The following CFHR2 variants were observed in gnomAD, a reference collection of about 807,000 sequenced individuals.
CFHR2 encodes the protein complement factor H related 2, also known as complement factor H-related protein 2.
CFHR2 carries 22 observed loss-of-function variants against 21.7 expected under a neutral mutation model. The ratio of observed to expected loss-of-function variants is 1.01; its 90% CI spans 0.72 to 1.45. The LOEUF is 1.45. Among genes scored for constraint, CFHR2 ranks in the 40% most tolerant of loss-of-function variants. The pLI, the probability that CFHR2 is intolerant of heterozygous loss-of-function variation, is 0.00. For missense variants in CFHR2, 294 were observed against 293.3 expected, an observed-to-expected ratio of 1.00 and a Z score of -0.02; for synonymous variants, 98 against 97.4, an observed-to-expected ratio of 1.01 and a Z score of -0.04.
At chr1:196,946,814 T>C (rs1468872881) in intron 1 of CFHR2, among the ~76,000 whole-genome samples, 1 of 152,240 alleles carries the variant, frequency 6.6e-6, no homozygotes, top group South Asian at 2.1e-4. Context: ...AAGTTAACTA[T>C]AAAATACTGA....
At chr1:196,949,693 C>T (rs1356061446) in intron 2 of CFHR2, 44 bp downstream of exon 2, 1 of 1,606,602 alleles carries the variant, frequency 6.2e-7, no homozygotes, top group Non-Finnish European at 8.5e-7. Flanking sequence ...ATTCAATGAA[C>T]AGAGAAGGAT....
intron 2 of CFHR2, 112 bp downstream of exon 2, chr1:196,949,761 G>C (rs1308231805): frequency 1.9e-5 from 26 of 1,341,016 alleles, no homozygotes; most frequent in Non-Finnish European, 2.7e-5. Context: ...AGAGGAGCTG[G>C]AAAGATGGGA....
In CFHR2 at chr1:196,952,862, G is replaced by A. The variant is rs569376001; in HGVS notation, c.430+1834G>A. 2.0e-5 allele frequency among the ~76,000 whole-genome samples: 3 copies of A among 152,252 alleles called. No individual in the cohort carries two copies. The South Asian group carries it at 6.2e-4, about 32-fold the overall frequency. ...AAGCTGACAAAGAACACATCTTTTT[G>A]TTCAAGTTCTCACAATATTGCTACC... On this transcript the variant is annotated intron_variant, in intron 3 of 4. Coordinates refer to ENST00000367415, the MANE Select transcript of CFHR2 (RefSeq NM_005666.4).
At chr1:196,947,504 A>G (rs1659553182) in intron 1 of CFHR2, among the ~76,000 whole-genome samples, 1 of 152,172 alleles carries the variant, frequency 6.6e-6, no homozygotes, top group South Asian at 2.1e-4. Flanking sequence ...TTCCCTCAAT[A>G]CCTTTACCAA....
rs1401143323 is a variant in CFHR2, at chr1:196,945,773, A to AGTGTGT, written c.58+1838_58+1839insTGTGTG. 9.1e-3 allele frequency among the ~76,000 whole-genome samples: 786 copies of AGTGTGT among 86,698 alleles called. 7 individuals carry two copies. The highest frequency in any genetic ancestry group is 0.036 in the African/African-American group (745 of 20,430). 56.9% of individuals were successfully genotyped at this position (86,698 alleles called of 152,430 possible). ...GCAAGGCTATATATAGGTGACTGTG[A>AGTGTGT]GTGAGTGTGTGTGTGTGTGTGTGTG... is the stretch of plus-strand genomic sequence containing the variant. On this transcript the variant is annotated intron_variant, in intron 1 of 4. Transcript: ENST00000367415.
intron 1 of CFHR2, among the ~76,000 whole-genome samples, chr1:196,947,943 C>T (rs1467574796): frequency 2.6e-5 from 4 of 152,036 alleles, no homozygotes; most frequent in Non-Finnish European, 5.9e-5. Flanking sequence ...CTCTACCTTC[C>T]ACTCAATTTT....
intron 3 of CFHR2, among the ~76,000 whole-genome samples, chr1:196,954,245 C>T (rs369367882): frequency 6.6e-6 from 1 of 152,222 alleles, no homozygotes; most frequent in Admixed American, 6.5e-5. Context: ...CAGCAGGGCA[C>T]TCCTTAAATC....
chr1:196,957,384 G>A (rs1247848123), intron 3 of CFHR2, among the ~76,000 whole-genome samples: 4 of 129,192 alleles, frequency 3.1e-5, no homozygotes, highest in Non-Finnish European at 6.5e-5. Flanking sequence ...AATTTGAGTT[G>A]TACTTAGCAT....
At position 196,949,529 on chromosome 1, in the gene CFHR2, G is replaced by A; in HGVS notation, c.133G>A (p.Val45Ile). ...DEEKYKPFSQ[V>I]PTGEVFYYSC... ...AGAAAAATATAAGCCATTTTCCCAA[G>A]TTCCTACAGGGGAAGTTTTCTATTA... Residue 45 changes from valine (V) to isoleucine (I), a missense_variant, in exon 2 of 5, where the codon GTT becomes ATT. By Grantham distance (29) the Val-to-Ile change is conservative (BLOSUM62 3). Transcript: ENST00000367415. The A allele has an allele frequency of 6.2e-7, 1 of 1,613,952 alleles. No homozygotes were observed. Among genetic ancestry groups the A allele is most frequent in the Non-Finnish European group, 8.5e-7 (1 of 1,179,936 alleles).
At chr1:196,950,766 C>T in intron 2 of CFHR2, 86 bp from the exon 3 acceptor site, 2 of 1,470,248 alleles carry the variant, frequency 1.4e-6, no homozygotes, top group Non-Finnish European at 1.9e-6. Flanking sequence ...AGCCACTTCA[C>T]CCTATTTATT....
At chr1:196,954,407 T>C (rs1176826075) in intron 3 of CFHR2, among the ~76,000 whole-genome samples, 1 of 152,214 alleles carries the variant, frequency 6.6e-6, no homozygotes, top group East Asian at 1.9e-4. Context: ...TAGCATTGAG[T>C]GCCTGCAGCC....
At chr1:196,945,970 C>T (rs1237343146) in intron 1 of CFHR2, among the ~76,000 whole-genome samples, 1 of 151,762 alleles carries the variant, frequency 6.6e-6, no homozygotes, top group Non-Finnish European at 1.5e-5. Context: ...TCCTAGGCTG[C>T]AAACCTGTAC....
intron 3 of CFHR2, among the ~76,000 whole-genome samples, chr1:196,955,866 A>C (rs1437066097): frequency 6.6e-6 from 1 of 152,096 alleles, no homozygotes; most frequent in Non-Finnish European, 1.5e-5. Flanking sequence ...ATAATAATAA[A>C]TAAATAAAAT....
At chr1:196,946,784 AT>A (rs1462457377) in intron 1 of CFHR2, among the ~76,000 whole-genome samples, 2 of 152,164 alleles carry the variant, frequency 1.3e-5, no homozygotes, top group African/African-American at 4.8e-5. Flanking sequence ...TTTACAGTTA[AT>A]TTTTTTAACC....
At chr1:196,944,664 G>A (rs1659409148) in intron 1 of CFHR2, among the ~76,000 whole-genome samples, 1 of 151,928 alleles carries the variant, frequency 6.6e-6, no homozygotes, top group African/African-American at 2.4e-5. Context: ...AACTATGTCT[G>A]TACTTGGAGT....
rs1653033724 is a variant in CFHR2 at position 196,959,468 on chromosome 1, G to A, written c.*388G>A. On this transcript the variant is annotated 3_prime_UTR_variant, in exon 5 of 5. Transcript: ENST00000367415. ...TAAATATTCTCCTTCCAGCTATTTG[G>A]TACTTCATAGTATATTACTGGTAAC... Among the ~76,000 whole-genome samples the A allele has an allele frequency of 1.3e-5, 2 of 151,714 alleles. No individual in the cohort carries two copies. Among genetic ancestry groups the A allele is most frequent in the Admixed American group, 1.3e-4 (2 of 15,210 alleles).
intron 3 of CFHR2, 77 bp downstream of exon 3, chr1:196,951,105 A>G: frequency 6.6e-7 from 1 of 1,512,450 alleles, no homozygotes; most frequent in East Asian, 2.5e-5. Context: ...TACAGATTAA[A>G]TATAGGTTAA....
At chr1:196,958,179 C>A (rs1652970982) in intron 4 of CFHR2, 106 bp downstream of exon 4, 1 of 1,156,144 alleles carries the variant, frequency 8.6e-7, no homozygotes, top group Admixed American at 2.0e-5. Context: ...AAGCATTCTG[C>A]TGAATGCTTG....
chr1:196,953,442 C>A (rs1316527111), intron 3 of CFHR2, among the ~76,000 whole-genome samples: 1 of 151,968 alleles, frequency 6.6e-6, no homozygotes, highest in Non-Finnish European at 1.5e-5. Flanking sequence ...GTCACCACAC[C>A]CAGCTAATTT....
Sources: gnomAD v4.1 joint callset for allele counts (sites outside exome capture counted in the v4.1 genomes callset) on GRCh38, gnomAD v4.1.1 for gene constraint, MANE v1.5 for transcripts, NCBI Gene and HGNC (gene_info 2026-07-23, HGNC 2026-07-21) for gene names.